Variants in FRS2 observed in about 807,000 individuals in gnomAD.
FRS2 encodes fibroblast growth factor receptor substrate 2.
A neutral mutation model predicts 43.9 loss-of-function variants in FRS2; 8 were observed. The ratio of observed to expected loss-of-function variants is 0.18; its 90% CI spans 0.11 to 0.33. The LOEUF is 0.33. FRS2 is among the 10% of genes least tolerant of loss of function. The pLI, the probability that FRS2 is intolerant of heterozygous loss-of-function variation, is 1.00. For missense variants in FRS2, 534 were observed against 627.6 expected, an observed-to-expected ratio of 0.85 and a Z score of 1.59; for synonymous variants, 219 against 220.3, an observed-to-expected ratio of 0.99 and a Z score of 0.05.
In FRS2 at chr12:69,560,128, A is replaced by C. The variant is rs184001736; in HGVS notation, c.-121-2052A>C. ...TAGGACAGCTTTACTAAATTTATTA[A>C]TGTAATACTTGTTATAAGGATGTGC... On this transcript the variant is annotated intron_variant, in intron 3 of 8. Transcript: ENST00000549921. Among the ~76,000 whole-genome samples the C allele has an allele frequency of 1.6e-3, 240 of 152,342 alleles. 1 individual carries two copies. The highest frequency in any genetic ancestry group is 0.01 in the Middle Eastern group (3 of 294).
intron 3 of FRS2, among the ~76,000 whole-genome samples, chr12:69,556,365 C>T (rs1879353874): frequency 6.6e-6 from 1 of 150,686 alleles, no homozygotes; most frequent in African/African-American, 2.4e-5. Flanking sequence ...TTAAGTCTCA[C>T]TCTGTTACCA....
intron 1 of FRS2, among the ~76,000 whole-genome samples, chr12:69,476,753 C>CGGGGGGGGGGGGGGGGGGGGGGGG (rs60543134): frequency 1.2e-5 from 1 of 80,110 alleles, no homozygotes; most frequent in Admixed American, 1.5e-4. Context: ...GGGGGAGGGA[C>CGGGGGGGGGGGGGGGGGGGGGGGG]GGGGGGGGGT....
rs1456698725 is a variant in FRS2 at position 69,538,925 on chromosome 12, G to A, written c.-122+6869G>A. On this transcript the variant is annotated intron_variant, in intron 3 of 8. Coordinates refer to ENST00000549921, the MANE Select transcript of FRS2 (RefSeq NM_001278356.2). ...TCTCCACAAAATAACATAACATTTA[G>A]TTACACAGAGGCCCTCCTAGATGCC... Among the ~76,000 whole-genome samples the A allele has an allele frequency of 4.6e-5, 7 of 151,810 alleles. No homozygotes were observed. In the East Asian group the frequency reaches 1.4e-3, roughly 29 times the overall value.
chr12:69,529,557 G>T (rs1177988806), intron 1 of FRS2, among the ~76,000 whole-genome samples: 1 of 151,982 alleles, frequency 6.6e-6, no homozygotes, highest in African/African-American at 2.4e-5. Context: ...GGAGGCAGAG[G>T]TTGCAGTGAG....
chr12:69,543,955 A>AG (rs1324161767), intron 3 of FRS2, among the ~76,000 whole-genome samples: 1 of 152,042 alleles, frequency 6.6e-6, no homozygotes, highest in Admixed American at 6.6e-5. Context: ...TCAGAGGAAT[A>AG]GGGGGAGCCA....
chr12:69,507,274 C>T (rs539461008), intron 1 of FRS2, among the ~76,000 whole-genome samples: 60 of 152,168 alleles, frequency 3.9e-4, no homozygotes, highest in South Asian at 1.0e-3. Context: ...TGTCATGTTC[C>T]GACACATAAT....
chr12:69,548,379 G>A (rs11177711), intron 3 of FRS2, among the ~76,000 whole-genome samples: 5,248 of 152,298 alleles, frequency 0.034, 293 homozygotes, highest in African/African-American at 0.12. Flanking sequence ...GATATGGGAT[G>A]TGAGAGAGTA....
Position 69,578,238 on chromosome 12 carries a change from A to G in FRS2, c.*3283A>G, listed in dbSNP as rs1484672244. ...AAATACATATATTCTTGAAATAGAC[A>G]TACCATCAGAGACATCATTCACAAG... On this transcript the variant is annotated 3_prime_UTR_variant, in exon 9 of 9. Coordinates refer to ENST00000549921, the MANE Select transcript of FRS2 (RefSeq NM_001278356.2). 1 of 152,752 alleles carries G rather than the reference A, an allele frequency of 6.5e-6. No homozygotes were observed. Among genetic ancestry groups the G allele is most frequent in the South Asian group, 2.1e-4 (1 of 4,832 alleles). 9.5% of individuals were successfully genotyped at this position (152,752 alleles called of 1,614,324 possible).
chr12:69,516,354 G>A (rs1565739805), intron 1 of FRS2, among the ~76,000 whole-genome samples: 1 of 152,084 alleles, frequency 6.6e-6, no homozygotes, highest in Non-Finnish European at 1.5e-5. Flanking sequence ...GAGTAGCTGG[G>A]ATTACAGGCG....
rs752225158 is a variant in FRS2, at chr12:69,574,838, G to A, written c.1410G>A (p.Leu470=). 1.2e-6 allele frequency: 2 copies of A among 1,614,026 alleles called. No homozygotes were observed. Among genetic ancestry groups the A allele is most frequent in the Admixed American group, 1.7e-5 (1 of 60,024 alleles). The part of the protein sequence containing the change: ...LPQTPTRRTE[L]YAVIDIERTA... Reference sequence around the variant, plus strand: ...AAACCCCTACCAGGCGCACAGAGCTGTATGCCGTGATAGACATCGAGAGAA... The same window carrying A: ...AAACCCCTACCAGGCGCACAGAGCTATATGCCGTGATAGACATCGAGAGAA... The change falls in exon 9 of 9, where the codon CTG becomes CTA. Residue 470 remains leucine, a synonymous_variant. Coordinates refer to ENST00000549921, the MANE Select transcript of FRS2 (RefSeq NM_001278356.2).
intron 1 of FRS2, among the ~76,000 whole-genome samples, chr12:69,505,208 C>T (rs1873816288): frequency 6.6e-6 from 1 of 152,090 alleles, no homozygotes; most frequent in South Asian, 2.1e-4. Flanking sequence ...CACATGGTAC[C>T]TAATATTAGC....
intron 8 of FRS2, 26 bp from the exon 9 acceptor site, chr12:69,573,979 C>T: frequency 2.7e-6 from 4 of 1,469,986 alleles, no homozygotes; most frequent in Middle Eastern, 1.8e-4. Context: ...AGTAAGTTAA[C>T]TAATTCACTT....
chr12:69,574,694 T>A lies in FRS2; in HGVS notation c.1266T>A (p.Phe422Leu). ...RRDCTPTVFN[F>L]DIRRPSLEHR... is the part of the protein sequence containing the mutation. Reference sequence around the variant, plus strand: ...ACTGTACACCAACAGTCTTTAACTTTGATATCAGACGCCCAAGTTTAGAAC... The same window carrying A: ...ACTGTACACCAACAGTCTTTAACTTAGATATCAGACGCCCAAGTTTAGAAC... The change falls in exon 9 of 9, where the codon TTT (phenylalanine) becomes TTA (leucine). Residue 422 changes from phenylalanine to leucine, a missense_variant. Transcript: ENST00000549921. 6.2e-7 allele frequency: 1 copy of A among 1,614,190 alleles called. No homozygotes were observed. The highest frequency in any genetic ancestry group is 8.5e-7 in the Non-Finnish European group (1 of 1,180,024).
At chr12:69,538,648 A>G (rs77597921) in intron 3 of FRS2, among the ~76,000 whole-genome samples, 2,212 of 152,038 alleles carry the variant, frequency 0.015, 62 homozygotes, top group African/African-American at 0.049. Context: ...TTGAATTAAG[A>G]TGGATTCTAT....
At chr12:69,525,306 G>A (rs1230040554) in intron 1 of FRS2, among the ~76,000 whole-genome samples, 2 of 151,798 alleles carry the variant, frequency 1.3e-5, no homozygotes, top group Non-Finnish European at 2.9e-5. Flanking sequence ...CTGTTTGTGA[G>A]TATTCAAGAG....
At chr12:69,552,685 A>G (rs180815584) in intron 3 of FRS2, among the ~76,000 whole-genome samples, 1 of 152,276 alleles carries the variant, frequency 6.6e-6, no homozygotes, top group Non-Finnish European at 1.5e-5. Context: ...TGAGGTCAGG[A>G]GTTCAAGACC....
At chr12:69,545,013 C>T (rs947659200) in intron 3 of FRS2, among the ~76,000 whole-genome samples, 1 of 151,986 alleles carries the variant, frequency 6.6e-6, no homozygotes, top group Admixed American at 6.6e-5. Context: ...GCATTTTCAT[C>T]TAACAACAAT....
chr12:69,530,154 T>C (rs555597611), intron 1 of FRS2, among the ~76,000 whole-genome samples: 1 of 151,948 alleles, frequency 6.6e-6, no homozygotes, highest in East Asian at 1.9e-4. Context: ...ACAATAATAA[T>C]TGCTTATAAC....
At chr12:69,471,992 A>G (rs760886404) in intron 1 of FRS2, among the ~76,000 whole-genome samples, 8 of 152,238 alleles carry the variant, frequency 5.3e-5, no homozygotes, top group Non-Finnish European at 1.0e-4. Flanking sequence ...AAGGTTGTTG[A>G]TTTTGAACAG....
Sources: gnomAD v4.1 joint callset for allele counts (sites outside exome capture counted in the v4.1 genomes callset) on GRCh38, gnomAD v4.1.1 for gene constraint, MANE v1.5 for transcripts, NCBI Gene and HGNC (gene_info 2026-07-23, HGNC 2026-07-21) for gene names.